SEZ6L: variants seen among roughly 807,000 people sequenced by gnomAD.
SEZ6L encodes seizure related 6 homolog like, also known as seizure 6-like protein.
In SEZ6L, 37 loss-of-function variants were observed where a neutral mutation model predicts 106.2. The observed-to-expected ratio is 0.35, with a 90% confidence interval of 0.27 to 0.46. The LOEUF is 0.46. Among genes scored for constraint, SEZ6L ranks in the 20% least tolerant of loss-of-function variants. The pLI is 1.00. For missense variants in SEZ6L, 1,172 were observed against 1,332.8 expected (o/e 0.88, Z 1.88); for synonymous variants, 541 against 570.4 (o/e 0.95, Z 0.73).
At chr22:26,304,080 G>A (rs987330209) in intron 5 of SEZ6L, among the ~76,000 whole-genome samples, 1 of 152,138 alleles carries the variant, frequency 6.6e-6, no homozygotes, top group East Asian at 1.9e-4. Flanking sequence ...CTGGCTGAGT[G>A]CTGTGGCTGA....
chr22:26,181,951 C>T (rs112436594), intron 1 of SEZ6L, among the ~76,000 whole-genome samples: 370 of 152,268 alleles, frequency 2.4e-3, no homozygotes, highest in East Asian at 4.6e-3. Flanking sequence ...AGTCGTGAGA[C>T]GCATGGCTGC....
intron 5 of SEZ6L, 93 bp downstream of exon 5, chr22:26,299,262 G>A: frequency 9.1e-7 from 1 of 1,099,582 alleles, no homozygotes. Flanking sequence ...TCAGGGAATG[G>A]CTTTCAGCCC....
chr22:26,310,468 G>A (rs1008604244), intron 6 of SEZ6L, among the ~76,000 whole-genome samples: 2 of 152,130 alleles, frequency 1.3e-5, no homozygotes, highest in Non-Finnish European at 2.9e-5. Flanking sequence ...CCTGGGAGGC[G>A]GAGGTTGCAG....
intron 1 of SEZ6L, among the ~76,000 whole-genome samples, chr22:26,269,617 C>G (rs894798426): frequency 3.3e-5 from 5 of 152,218 alleles, no homozygotes; most frequent in Non-Finnish European, 4.4e-5. Context: ...TGCAGCGTGA[C>G]TGCCTCCCAA....
intron 1 of SEZ6L, among the ~76,000 whole-genome samples, chr22:26,241,037 C>A (rs771353542): frequency 2.6e-5 from 4 of 152,190 alleles, no homozygotes; most frequent in African/African-American, 7.2e-5. Flanking sequence ...CATGCAGACA[C>A]TCTAGAGAAG....
chr22:26,349,840 A>T (rs567648693), intron 11 of SEZ6L, among the ~76,000 whole-genome samples: 1 of 152,028 alleles, frequency 6.6e-6, no homozygotes, highest in Non-Finnish European at 1.5e-5. Context: ...AGAAATGTGG[A>T]TATCTTTTCA....
intron 1 of SEZ6L, among the ~76,000 whole-genome samples, chr22:26,253,659 T>C (rs956114594): frequency 1.3e-4 from 20 of 152,230 alleles, no homozygotes; most frequent in Non-Finnish European, 2.2e-4. Context: ...TTAGTTGAAC[T>C]ATTTAGTTAA....
At chr22:26,171,936 G>A (rs1055809924) in intron 1 of SEZ6L, among the ~76,000 whole-genome samples, 22 of 151,892 alleles carry the variant, frequency 1.4e-4, no homozygotes, top group Admixed American at 2.0e-4. Flanking sequence ...TCGTTGTTGC[G>A]AACTAGTTCT....
In SEZ6L at chr22:26,380,631, T is replaced by C. The variant is rs1453037045; in HGVS notation, c.*336T>C. The C allele has an allele frequency of 2.4e-5, 6 of 254,370 alleles. No homozygotes were observed. The South Asian group carries it at 2.8e-4, about 12-fold the overall frequency. 15.8% of individuals were successfully genotyped at this position (254,370 alleles called of 1,614,324 possible). On this transcript the variant is annotated 3_prime_UTR_variant, in exon 17 of 17. Transcript: ENST00000248933. The stretch of plus-strand genomic sequence containing the variant: ...TCAGCAATGCCATGCTAAGGCTGCA[T>C]TGAATTGCATGCATCTTTGGGAACC...
intron 9 of SEZ6L, among the ~76,000 whole-genome samples, chr22:26,323,016 T>C (rs1023095222): frequency 2.6e-5 from 4 of 152,196 alleles, no homozygotes; most frequent in African/African-American, 9.7e-5. Context: ...CATCGTAGAA[T>C]AGAAGATCCG....
intron 9 of SEZ6L, among the ~76,000 whole-genome samples, chr22:26,314,947 TG>T (rs2081955829): frequency 6.6e-6 from 1 of 151,890 alleles, no homozygotes; most frequent in Non-Finnish European, 1.5e-5. Flanking sequence ...CCATGTGAGA[TG>T]GGGGTGAGAA....
intron 12 of SEZ6L, among the ~76,000 whole-genome samples, chr22:26,353,425 A>G (rs2083340448): frequency 6.6e-6 from 1 of 152,178 alleles, no homozygotes; most frequent in African/African-American, 2.4e-5. Flanking sequence ...AATAACAAGA[A>G]TCATTGCTCA....
rs116915313 is a variant in SEZ6L, at chr22:26,292,187, G to A, written c.95-219G>A. 3.9e-3 allele frequency: 1,904 copies of A among 486,518 alleles called. 29 individuals carry two copies. The highest frequency in any genetic ancestry group is 0.036 in the East Asian group (1,122 of 30,978). The allele number at this position is 486,518 out of a possible 1,614,324, so 30.1% of individuals were successfully genotyped here. A position where few individuals can be genotyped will look rare whatever the true frequency, so the allele number is the denominator to read the frequency against. On this transcript the variant is annotated intron_variant, in intron 1 of 16. Transcript: ENST00000248933. Reference sequence around the variant, plus strand: ...AAGGAGGAAGGAAAGAAGGAAGGAGGGAGGGTGGGAGGAAAAGAAGGAAGA... The same window carrying A: ...AAGGAGGAAGGAAAGAAGGAAGGAGAGAGGGTGGGAGGAAAAGAAGGAAGA...
At chr22:26,269,951 A>T (rs1470578282) in intron 1 of SEZ6L, among the ~76,000 whole-genome samples, 1 of 152,232 alleles carries the variant, frequency 6.6e-6, no homozygotes, top group East Asian at 1.9e-4. Flanking sequence ...CCAGCCCAGA[A>T]GGGGACAAGA....
At chr22:26,322,085 T>C (rs1339523525) in intron 9 of SEZ6L, among the ~76,000 whole-genome samples, 3 of 152,162 alleles carry the variant, frequency 2.0e-5, no homozygotes, top group African/African-American at 7.2e-5. Context: ...CTAATGTGGG[T>C]AGAGATAATT....
chr22:26,351,410 A>T lies in SEZ6L; in HGVS notation c.2599+167A>T, dbSNP rs1203897260. 5.4e-6 allele frequency: 3 copies of T among 556,898 alleles called. No individual in the cohort carries two copies. The African/African-American group carries it at 5.7e-5, about 11-fold the overall frequency. 34.5% of individuals were successfully genotyped at this position (556,898 alleles called of 1,614,324 possible). A position where few individuals can be genotyped will look rare whatever the true frequency, so the allele number is the denominator to read the frequency against. ...CCTAACACTGATTGGGAGCACACAT[A>T]CTATAACATTTACAGTAAATTTATC... On this transcript the variant is annotated intron_variant, in intron 12 of 16. Transcript: ENST00000248933.
At chr22:26,304,398 A>AAGAAAGAAAG in intron 5 of SEZ6L, among the ~76,000 whole-genome samples, 1 of 150,432 alleles carries the variant, frequency 6.6e-6, no homozygotes, top group East Asian at 1.9e-4. Flanking sequence ...GAAAGAAAGA[A>AAGAAAGAAAG]AGAAAGAAAG....
At chr22:26,298,518 A>G (rs1457015058) in intron 4 of SEZ6L, among the ~76,000 whole-genome samples, 6 of 152,194 alleles carry the variant, frequency 3.9e-5, no homozygotes, top group Non-Finnish European at 8.8e-5. Context: ...TCTAAAGCCC[A>G]AGCTCCTGTC....
At chr22:26,286,150 C>A (rs2080927549) in intron 1 of SEZ6L, among the ~76,000 whole-genome samples, 1 of 152,170 alleles carries the variant, frequency 6.6e-6, no homozygotes. Flanking sequence ...CATTGATTCA[C>A]CTGTCAGTCC....
Sources: gnomAD v4.1 joint callset for allele counts (sites outside exome capture counted in the v4.1 genomes callset) on GRCh38, gnomAD v4.1.1 for gene constraint, MANE v1.5 for transcripts, NCBI Gene and HGNC (gene_info 2026-07-23, HGNC 2026-07-21) for gene names.